SCHIP1: variants seen among roughly 807,000 people sequenced by gnomAD.
SCHIP1 encodes the protein schwannomin interacting protein 1.
In SCHIP1, 8 loss-of-function variants were observed where a neutral mutation model predicts 29.7. The ratio of observed to expected loss-of-function variants is 0.27; its 90% CI spans 0.16 to 0.49. SCHIP1 has a LOEUF of 0.49. Among genes scored for constraint, SCHIP1 ranks in the 20% least tolerant of loss-of-function variants. The pLI is 0.99. For synonymous variants in SCHIP1, 76 were observed against 94.9 expected, an observed-to-expected ratio of 0.80 and a Z score of 1.16; for missense variants, 193 against 294.6, an observed-to-expected ratio of 0.66 and a Z score of 2.52.
chr3:159,465,055 G>A, the SCHIP1 span, among the ~76,000 whole-genome samples: 1 of 152,104 alleles, frequency 6.6e-6, no homozygotes, highest in Non-Finnish European at 1.5e-5. Context: ...CCCCCAGAGA[G>A]CTCAGTTCAG....
intron 2 of SCHIP1, among the ~76,000 whole-genome samples, chr3:159,883,988 C>A (rs1716709655): frequency 6.6e-6 from 1 of 152,142 alleles, no homozygotes; most frequent in African/African-American, 2.4e-5. Flanking sequence ...ATACATATAT[C>A]TGGACATTGT....
the SCHIP1 span, among the ~76,000 whole-genome samples, chr3:159,384,564 A>G: frequency 6.6e-6 from 1 of 150,464 alleles, no homozygotes; most frequent in East Asian, 2.0e-4. Flanking sequence ...ATTGGTCTAA[A>G]ATTCTCTTTT....
chr3:159,604,719 C>T, the SCHIP1 span, among the ~76,000 whole-genome samples: 1 of 152,162 alleles, frequency 6.6e-6, no homozygotes, highest in Non-Finnish European at 1.5e-5. Context: ...GTAAAAATTT[C>T]AGACTTTGTC....
the SCHIP1 span, among the ~76,000 whole-genome samples, chr3:159,792,588 A>T: frequency 6.6e-6 from 1 of 152,226 alleles, no homozygotes; most frequent in Admixed American, 6.5e-5. Flanking sequence ...TTTCATTCAC[A>T]CAATTAGTTG....
chr3:159,821,962 A>T, the SCHIP1 span, among the ~76,000 whole-genome samples: 2 of 152,240 alleles, frequency 1.3e-5, no homozygotes, highest in Non-Finnish European at 2.9e-5. Flanking sequence ...GGACAAAGAG[A>T]TGATTCGGTC....
chr3:159,305,021 C>A, the SCHIP1 span, among the ~76,000 whole-genome samples: 2 of 152,132 alleles, frequency 1.3e-5, no homozygotes, highest in African/African-American at 2.4e-5. Flanking sequence ...TTTTTCAAAT[C>A]TTTAAACCAG....
intron 5 of SCHIP1, among the ~76,000 whole-genome samples, chr3:159,889,863 G>A (rs562035312): frequency 5.9e-5 from 9 of 152,144 alleles, no homozygotes; most frequent in Admixed American, 1.3e-4. Context: ...TTGGGAGGCC[G>A]AGGTGGGCAG....
the SCHIP1 span, among the ~76,000 whole-genome samples, chr3:159,715,360 C>A: frequency 1.3e-5 from 2 of 152,214 alleles, no homozygotes; most frequent in Non-Finnish European, 2.9e-5. Context: ...AGGAATGCAG[C>A]TCCTCAGCAG....
chr3:159,549,750 T>C, the SCHIP1 span, among the ~76,000 whole-genome samples: 1 of 152,166 alleles, frequency 6.6e-6, no homozygotes, highest in African/African-American at 2.4e-5. Flanking sequence ...GGAGTCCTGA[T>C]TTGGCCTATT....
chr3:159,836,371 C>T (rs1348365251), upstream of SCHIP1, among the ~76,000 whole-genome samples: 1 of 152,120 alleles, frequency 6.6e-6, no homozygotes, highest in Non-Finnish European at 1.5e-5. Context: ...GCATGGATCC[C>T]ATTTGTGAGG....
the SCHIP1 span, among the ~76,000 whole-genome samples, chr3:159,484,956 G>A: frequency 2.6e-5 from 4 of 152,096 alleles, no homozygotes; most frequent in Non-Finnish European, 5.9e-5. Context: ...GTAAATGGAC[G>A]TTTTACATTC....
At chr3:159,467,497 T>TA in the SCHIP1 span, among the ~76,000 whole-genome samples, 90 of 144,784 alleles carry the variant, frequency 6.2e-4, no homozygotes, top group East Asian at 4.4e-3. Context: ...TTAGAAGACT[T>TA]AAAAAAAAAA....
At chr3:159,383,382 TG>T in the SCHIP1 span, among the ~76,000 whole-genome samples, 1 of 150,898 alleles carries the variant, frequency 6.6e-6, no homozygotes, top group African/African-American at 2.4e-5. Flanking sequence ...CCCCATTGCT[TG>T]TTTTTCTCAG....
the SCHIP1 span, among the ~76,000 whole-genome samples, chr3:159,831,518 G>A: frequency 2.6e-5 from 4 of 152,174 alleles, no homozygotes; most frequent in Admixed American, 1.3e-4. Flanking sequence ...ATTAGGTACA[G>A]TAAGAGATTC....
chr3:159,770,511 C>T, the SCHIP1 span, among the ~76,000 whole-genome samples: 5 of 152,056 alleles, frequency 3.3e-5, no homozygotes, highest in South Asian at 2.1e-4. Context: ...CGCCCACCTT[C>T]GCCTCCCAAA....
the SCHIP1 span, among the ~76,000 whole-genome samples, chr3:159,552,478 C>T: frequency 6.6e-6 from 1 of 152,106 alleles, no homozygotes; most frequent in Non-Finnish European, 1.5e-5. Context: ...AGTTTCCAAG[C>T]CTGAATCTAA....
the SCHIP1 span, among the ~76,000 whole-genome samples, chr3:159,290,850 G>A: frequency 0.02 from 3,014 of 152,006 alleles, 96 homozygotes; most frequent in African/African-American, 0.069. Flanking sequence ...AAGATTTTTA[G>A]ATATGAGAAA....
chr3:159,895,193 T>C (rs1717942098), intron 6 of SCHIP1, among the ~76,000 whole-genome samples: 2 of 152,226 alleles, frequency 1.3e-5, no homozygotes, highest in Admixed American at 1.3e-4. Context: ...TTTTAAGGAA[T>C]GGAGAGCTAT....
intron 1 of SCHIP1, among the ~76,000 whole-genome samples, chr3:159,842,019 A>T (rs1166795243): frequency 6.6e-6 from 1 of 152,206 alleles, no homozygotes; most frequent in African/African-American, 2.4e-5. Flanking sequence ...TTTAGAACCC[A>T]GCTGGCACCA....
Sources: gnomAD v4.1 joint callset for allele counts (sites outside exome capture counted in the v4.1 genomes callset) on GRCh38, gnomAD v4.1.1 for gene constraint, MANE v1.5 for transcripts, NCBI Gene and HGNC (gene_info 2026-07-23, HGNC 2026-07-21) for gene names.